The following TSPAN11 variants were observed in gnomAD, a reference collection of about 807,000 sequenced individuals.
The protein encoded by TSPAN11 is tetraspanin-11.
In TSPAN11, 29 loss-of-function variants were observed where a neutral mutation model predicts 32.9. The ratio of observed to expected loss-of-function variants is 0.88; its 90% CI spans 0.66 to 1.20. The LOEUF is 1.20. TSPAN11 is among the 50% of genes most tolerant of loss of function. The pLI is 0.00. For synonymous variants in TSPAN11, 140 were observed against 141.3 expected (o/e 0.99, Z 0.07); for missense variants, 283 against 329.1 (o/e 0.86, Z 1.08).
intron 2 of TSPAN11, among the ~76,000 whole-genome samples, chr12:30,956,048 G>A (rs1938472066): frequency 6.6e-6 from 1 of 152,182 alleles, no homozygotes; most frequent in Non-Finnish European, 1.5e-5. Flanking sequence ...AGACGGTGGT[G>A]ACTTACATTG....
chr12:30,969,595 G>C (rs987713705), intron 3 of TSPAN11, among the ~76,000 whole-genome samples: 6 of 152,136 alleles, frequency 3.9e-5, no homozygotes, highest in African/African-American at 1.4e-4. Flanking sequence ...CATCCTTCTC[G>C]GGATGCAGCG....
chr12:30,926,813 G>A lies in TSPAN11; in HGVS notation c.-12+17G>A. 1 of 566,480 alleles carries A rather than the reference G, an allele frequency of 1.8e-6. No individual in the cohort carries two copies. The highest frequency in any genetic ancestry group is 2.6e-6 in the Non-Finnish European group (1 of 385,928). 35.1% of individuals were successfully genotyped at this position (566,480 alleles called of 1,614,324 possible). A position where few individuals can be genotyped will look rare whatever the true frequency, so the allele number is the denominator to read the frequency against. On this transcript the variant is annotated intron_variant, in intron 1 of 7. Coordinates refer to ENST00000546076, the MANE Select transcript of TSPAN11 (RefSeq NM_001370302.1). ...CCTGGCAGGGTAAGTGCAGAAGCGC[G>A]CCCGAGGAGTGGGGGCGCCGCGGGA...
In TSPAN11 at chr12:30,982,594, G is replaced by C; in HGVS notation, c.519G>C (p.Arg173=). The C allele has an allele frequency of 6.2e-7, 1 of 1,613,034 alleles. No individual in the cohort carries two copies. The highest frequency in any genetic ancestry group is 8.5e-7 in the Non-Finnish European group (1 of 1,179,838). The change falls in exon 6 of 8, where the codon CGG becomes CGC. Residue 173 remains arginine (R), a synonymous_variant. Transcript: ENST00000546076. ...AGCACAGCACGTACATCCTGTTGCG[G>C]GAGGCCGAGGGCCGCCAGGTGCCCG... ...DWQHSTYILL[R]EAEGRQVPDS... is the part of the protein sequence containing the mutation.
intron 1 of TSPAN11, among the ~76,000 whole-genome samples, chr12:30,950,615 C>G (rs1394641590): frequency 6.6e-6 from 1 of 152,190 alleles, no homozygotes; most frequent in African/African-American, 2.4e-5. Context: ...CTGAAAGAAA[C>G]TACAAGTTTG....
intron 3 of TSPAN11, among the ~76,000 whole-genome samples, chr12:30,964,737 C>T (rs1938693292): frequency 6.6e-6 from 1 of 152,212 alleles, no homozygotes; most frequent in South Asian, 2.1e-4. Flanking sequence ...CACTTTAAAA[C>T]AATTAACAGT....
chr12:30,983,763 T>C (rs74086365), intron 7 of TSPAN11, among the ~76,000 whole-genome samples: 4,102 of 152,292 alleles, frequency 0.027, 168 homozygotes, highest in African/African-American at 0.093. Flanking sequence ...ATCGACTGTT[T>C]ACGTAGCATT....
chr12:31,004,484 C>T, the TSPAN11 span, among the ~76,000 whole-genome samples: 1 of 152,176 alleles, frequency 6.6e-6, no homozygotes, highest in African/African-American at 2.4e-5. Flanking sequence ...CTTTCCCTCC[C>T]TCTCAGCAAG....
chr12:30,978,752 C>T (rs1328375719), intron 4 of TSPAN11, 117 bp downstream of exon 4: 10 of 1,003,818 alleles, frequency 1.0e-5, no homozygotes, highest in Admixed American at 5.6e-5. Flanking sequence ...GGTCCTGTTT[C>T]CCAGGCCCCG....
chr12:31,009,063 A>G, the TSPAN11 span, among the ~76,000 whole-genome samples: 4 of 150,974 alleles, frequency 2.6e-5, no homozygotes, highest in Non-Finnish European at 5.9e-5. Flanking sequence ...TGCCTGCCCA[A>G]TGACTAACAC....
chr12:31,009,972 T>G, the TSPAN11 span, among the ~76,000 whole-genome samples: 1 of 152,190 alleles, frequency 6.6e-6, no homozygotes, highest in Non-Finnish European at 1.5e-5. Context: ...ACAACTGTTA[T>G]TAGTTTATTT....
the TSPAN11 span, among the ~76,000 whole-genome samples, chr12:31,014,185 G>C: frequency 6.6e-6 from 1 of 152,166 alleles, no homozygotes; most frequent in African/African-American, 2.4e-5. Flanking sequence ...TCTGGCATAA[G>C]CATCAAAATC....
At chr12:30,945,527 C>T (rs1938248733) in intron 1 of TSPAN11, among the ~76,000 whole-genome samples, 1 of 152,150 alleles carries the variant, frequency 6.6e-6, no homozygotes, top group Non-Finnish European at 1.5e-5. Context: ...CAGCTCTGCC[C>T]CTCAGCCAAC....
Position 30,968,411 on chromosome 12 carries a change from C to T in TSPAN11, c.276+4394C>T, listed in dbSNP as rs111967777. 1.3e-3 allele frequency among the ~76,000 whole-genome samples: 192 copies of T among 152,306 alleles called. 1 individual carries two copies. The highest frequency in any genetic ancestry group is 4.4e-3 in the African/African-American group (181 of 41,554). On this transcript the variant is annotated intron_variant, in intron 3 of 7. Transcript: ENST00000546076. The stretch of plus-strand genomic sequence containing the variant: ...GTCACTTTCCCAAGAAGGACGTGGC[C>T]GTCGGGGACAGAAATAGCACATCTC...
intron 7 of TSPAN11, among the ~76,000 whole-genome samples, chr12:30,990,717 TCTC>T (rs1328630786): frequency 7.2e-5 from 11 of 152,008 alleles, no homozygotes; most frequent in African/African-American, 2.7e-4. Flanking sequence ...ACCAGCCTGC[TCTC>T]CTCCCACTGG....
chr12:30,973,976 G>A (rs560043347), intron 3 of TSPAN11, among the ~76,000 whole-genome samples: 3 of 152,330 alleles, frequency 2.0e-5, no homozygotes, highest in African/African-American at 7.2e-5. Context: ...CTCTTGGGTT[G>A]TACCTGGCCT....
chr12:30,976,726 G>A (rs1008095260), intron 3 of TSPAN11, among the ~76,000 whole-genome samples: 3 of 152,216 alleles, frequency 2.0e-5, no homozygotes, highest in African/African-American at 7.2e-5. Flanking sequence ...CCAGGAGAGT[G>A]AATCCTCTGT....
intron 7 of TSPAN11, 147 bp downstream of exon 7, chr12:30,983,297 C>T (rs1376727667): frequency 3.2e-5 from 24 of 751,794 alleles, no homozygotes; most frequent in Non-Finnish European, 4.7e-5. Context: ...CTCCCCTTCC[C>T]TCTGCAACCA....
the TSPAN11 span, among the ~76,000 whole-genome samples, chr12:31,016,462 AAAAGG>A: frequency 3.3e-5 from 5 of 151,420 alleles, no homozygotes; most frequent in African/African-American, 9.7e-5. Flanking sequence ...GAAAGAAAAG[AAAAGG>A]AAAGGAAAGG....
chr12:30,935,373 GTTTTTTTTTTTTT>G, intron 1 of TSPAN11, among the ~76,000 whole-genome samples: 1 of 120,922 alleles, frequency 8.3e-6, no homozygotes, highest in African/African-American at 3.4e-5. Context: ...TGCTTTGTGG[GTTTTTTTTTTTTT>G]TTTTTTTTTT....
Sources: allele counts gnomAD v4.1 joint callset (sites outside exome capture counted in the v4.1 genomes callset), GRCh38; gene constraint gnomAD v4.1.1; transcripts MANE v1.5; gene names NCBI Gene and HGNC (gene_info 2026-07-23, HGNC 2026-07-21).